Variants in FAM20A observed in about 807,000 individuals in gnomAD.
FAM20A encodes the protein pseudokinase FAM20A.
Under a neutral mutation model 52.0 loss-of-function variants are expected in FAM20A, and 42 were observed. The observed-to-expected ratio is 0.81, with a 90% confidence interval of 0.63 to 1.04. FAM20A has a LOEUF of 1.04. Among genes scored for constraint, FAM20A ranks in the 50% least tolerant of loss-of-function variants. FAM20A has a pLI of 0.00. For missense variants in FAM20A, 742 were observed against 712.7 expected (o/e 1.04, Z -0.47); for synonymous variants, 304 against 298.9 (o/e 1.02, Z -0.18).
intron 2 of FAM20A, 44 bp downstream of exon 2, chr17:68,555,515 T>C: frequency 6.2e-7 from 1 of 1,608,022 alleles, no homozygotes; most frequent in Non-Finnish European, 8.5e-7. Context: ...CCAGACTCTC[T>C]GGGAGAAAGT....
chr17:68,543,196 T>C (rs1482262206), intron 5 of FAM20A, among the ~76,000 whole-genome samples: 2 of 152,066 alleles, frequency 1.3e-5, no homozygotes, highest in South Asian at 2.1e-4. Flanking sequence ...CTAAAAAGCT[T>C]CTTGGAAGTG....
At chr17:68,551,802 A>T in intron 4 of FAM20A, 71 bp downstream of exon 4, 1 of 1,078,392 alleles carries the variant, frequency 9.3e-7, no homozygotes, top group Non-Finnish European at 1.4e-6. Flanking sequence ...GGTCACTTTT[A>T]TTAGTTTTTG....
intron 8 of FAM20A, 37 bp from the exon 9 acceptor site, chr17:68,540,003 G>T (rs751367690): frequency 1.3e-6 from 2 of 1,587,534 alleles, no homozygotes; most frequent in Non-Finnish European, 1.7e-6. Context: ...GAACCAGCAG[G>T]CCAGGGGGAC....
At chr17:68,553,270 A>T (rs986825490) in intron 3 of FAM20A, among the ~76,000 whole-genome samples, 1 of 152,056 alleles carries the variant, frequency 6.6e-6, no homozygotes, top group Non-Finnish European at 1.5e-5. Context: ...CATGATTGTA[A>T]GTTTCCGGAG....
intron 9 of FAM20A, 53 bp from the exon 10 acceptor site, chr17:68,539,449 CCT>C (rs1386765218): frequency 3.0e-5 from 45 of 1,488,736 alleles, no homozygotes; most frequent in Middle Eastern, 1.8e-4. Flanking sequence ...TTTGCATTCC[CCT>C]GAGGCTTCCT....
intron 3 of FAM20A, 48 bp from the exon 4 acceptor site, chr17:68,551,999 A>G: frequency 1.6e-6 from 2 of 1,260,938 alleles, no homozygotes; most frequent in Non-Finnish European, 2.3e-6. Flanking sequence ...GGCCTCAGCC[A>G]AGGCTTGTGA....
chr17:68,549,619 A>G (rs1207391154), intron 4 of FAM20A, among the ~76,000 whole-genome samples: 1 of 152,092 alleles, frequency 6.6e-6, no homozygotes, highest in African/African-American at 2.4e-5. Flanking sequence ...TATGCTTCTC[A>G]TTAACATCTC....
At chr17:68,599,094 C>A (rs2088538292) in intron 1 of FAM20A, among the ~76,000 whole-genome samples, 1 of 152,084 alleles carries the variant, frequency 6.6e-6, no homozygotes, top group Non-Finnish European at 1.5e-5. Context: ...TCAACTTATT[C>A]CTTTGCAAAA....
At chr17:68,539,626 C>T (rs557421045) in intron 9 of FAM20A, among the ~76,000 whole-genome samples, 1 of 152,364 alleles carries the variant, frequency 6.6e-6, no homozygotes, top group East Asian at 1.9e-4. Context: ...GGGCCAGCCA[C>T]TGAGGATGCA....
intron 1 of FAM20A, among the ~76,000 whole-genome samples, chr17:68,565,383 CTTTTTTTTTTTT>C (rs796800181): frequency 0.074 from 7,728 of 103,792 alleles, 389 homozygotes; most frequent in African/African-American, 0.18. Flanking sequence ...CCATTACCTC[CTTTTTTTTTTTT>C]TTTTTTTTTT....
At chr17:68,581,000 C>A (rs988433579) in intron 1 of FAM20A, among the ~76,000 whole-genome samples, 3 of 152,034 alleles carry the variant, frequency 2.0e-5, no homozygotes, top group African/African-American at 7.2e-5. Flanking sequence ...AATGATTTTT[C>A]CCCCTGATTA....
chr17:68,564,271 AT>A, intron 1 of FAM20A, among the ~76,000 whole-genome samples: 1 of 152,222 alleles, frequency 6.6e-6, no homozygotes, highest in South Asian at 2.1e-4. Context: ...GAAATGGGGA[AT>A]GCTGATACTA....
Position 68,542,792 on chromosome 17 carries a change from C to T in FAM20A, c.830G>A (p.Arg277Gln), listed in dbSNP as rs199630924. The T allele has an allele frequency of 2.5e-5, 41 of 1,613,958 alleles. No individual in the cohort carries two copies. In the African/African-American group the frequency reaches 3.2e-4, roughly 13 times the overall value. Residue 277 changes from arginine (R) to glutamine (Q), a missense_variant, in exon 6 of 11, where the codon CGG becomes CAG. Coordinates refer to ENST00000592554, the MANE Select transcript of FAM20A (RefSeq NM_017565.4). ...TATCCTCCCCACTGTTGGCGGCACC[C>T]GTCGGAAGTCCAGAATCCTGCAAGA... ...FHLDRILDFR[R>Q]VPPTVGRIVN... is the part of the protein sequence containing the mutation.
At chr17:68,588,206 T>G (rs1489011827) in intron 1 of FAM20A, among the ~76,000 whole-genome samples, 1 of 151,886 alleles carries the variant, frequency 6.6e-6, no homozygotes, top group South Asian at 2.1e-4. Flanking sequence ...TAATAAATGA[T>G]GAACTAGATA....
intron 1 of FAM20A, among the ~76,000 whole-genome samples, chr17:68,595,185 G>A (rs1045783617): frequency 3.3e-5 from 5 of 152,236 alleles, no homozygotes; most frequent in African/African-American, 1.2e-4. Flanking sequence ...ACTTGGTTGT[G>A]GTGAAAGAAG....
rs1221345914 is a variant in FAM20A, at chr17:68,543,538, AG to A, written c.812+90del. On this transcript the variant is annotated intron_variant, in intron 5 of 10. Coordinates refer to ENST00000592554, the MANE Select transcript of FAM20A (RefSeq NM_017565.4). ...TAGAAAGCCAGAAGGAAGAAATGCCAGGGAGTTCCCACCTTGAGGGTCTGTC... is the reference window on the plus strand; with the variant it reads ...TAGAAAGCCAGAAGGAAGAAATGCCAGGAGTTCCCACCTTGAGGGTCTGTC... The A allele has an allele frequency of 4.5e-6, 5 of 1,119,978 alleles. No individual in the cohort carries two copies. The African/African-American group carries it at 7.6e-5, about 17-fold the overall frequency. The allele number at this position is 1,119,978 out of a possible 1,614,324, so 69.4% of individuals were successfully genotyped here. A position where few individuals can be genotyped will look rare whatever the true frequency, so the allele number is the denominator to read the frequency against.
chr17:68,600,096 C>G lies in FAM20A; in HGVS notation c.404+167G>C, dbSNP rs2088569629. Among the ~76,000 whole-genome samples the G allele has an allele frequency of 6.6e-6, 1 of 152,238 alleles. No homozygotes were observed. The highest frequency in any genetic ancestry group is 6.5e-5 in the Admixed American group (1 of 15,286). ...GACTGGACTGTGAGGTCTGCAACAG[C>G]TGGTGGGGTTCGGGTGGGGAACACA... On this transcript the variant is annotated intron_variant, in intron 1 of 10. Transcript: ENST00000592554. This position sits in a 1 kb window ranked among gnomAD's most constrained non-coding sequence, Gnocchi z 6.2.
At chr17:68,567,119 A>G (rs1482499928) in intron 1 of FAM20A, among the ~76,000 whole-genome samples, 1 of 151,906 alleles carries the variant, frequency 6.6e-6, no homozygotes, top group Non-Finnish European at 1.5e-5. Context: ...CTCTCTCAGC[A>G]GTAGACTCAT....
At chr17:68,555,868 G>A (rs528845813) in intron 1 of FAM20A, 125 bp from the exon 2 acceptor site, 1 of 1,154,614 alleles carries the variant, frequency 8.7e-7, no homozygotes, top group African/African-American at 1.5e-5. Flanking sequence ...TCTAATGAGG[G>A]CTAGGCTTTA....
Sources: allele counts gnomAD v4.1 joint callset (sites outside exome capture counted in the v4.1 genomes callset), GRCh38; gene constraint gnomAD v4.1.1; non-coding constraint Gnocchi (gnomAD v3.1); transcripts MANE v1.5; gene names NCBI Gene and HGNC (gene_info 2026-07-23, HGNC 2026-07-21).